The following CLDN10 variants were observed in gnomAD, a reference collection of about 807,000 sequenced individuals.
CLDN10 encodes claudin 10.
CLDN10 carries 15 observed loss-of-function variants against 22.9 expected under a neutral mutation model. The ratio of observed to expected loss-of-function variants is 0.65; its 90% confidence interval spans 0.44 to 1.01. CLDN10 has a LOEUF of 1.01. Ranked by LOEUF, CLDN10 falls within the 50% of genes least tolerant of loss-of-function variation. The pLI is 0.00. For missense variants in CLDN10, 247 were observed against 287.8 expected (o/e 0.86, Z 1.03); for synonymous variants, 114 against 111.4 (o/e 1.02, Z -0.15).
At chr13:95,467,164 A>G (rs2042589053) in intron 1 of CLDN10, among the ~76,000 whole-genome samples, 1 of 151,100 alleles carries the variant, frequency 6.6e-6, no homozygotes, top group Admixed American at 6.6e-5. Flanking sequence ...GGTGTGAGCC[A>G]CCGCGCCCAG....
intron 1 of CLDN10, among the ~76,000 whole-genome samples, chr13:95,447,881 G>A (rs2042395805): frequency 6.6e-6 from 1 of 152,074 alleles, no homozygotes; most frequent in African/African-American, 2.4e-5. Flanking sequence ...CCGAGAAAGA[G>A]TGTCCTCCCC....
At chr13:95,463,476 G>A (rs576198383) in intron 1 of CLDN10, among the ~76,000 whole-genome samples, 3 of 149,310 alleles carry the variant, frequency 2.0e-5, no homozygotes, top group Admixed American at 2.0e-4. Context: ...GGGTCTACAG[G>A]CATGTGCCAC....
chr13:95,550,658 A>G (rs1344771093), upstream of CLDN10, among the ~76,000 whole-genome samples: 1 of 152,136 alleles, frequency 6.6e-6, no homozygotes, highest in Non-Finnish European at 1.5e-5. Context: ...GGAATATGGC[A>G]TAGAAATAAT....
chr13:95,533,651 C>T (rs1000553191), intron 1 of CLDN10: 16 of 152,124 alleles, frequency 1.1e-4, no homozygotes, highest in African/African-American at 3.9e-4. Context: ...TTACTATCTG[C>T]CTACCCGGTG....
chr13:95,556,023 C>T lies in CLDN10; in HGVS notation c.220+3050C>T, dbSNP rs2043634522. Among the ~76,000 whole-genome samples the T allele has an allele frequency of 2.0e-5, 3 of 152,016 alleles. No individual in the cohort carries two copies. In the South Asian group the frequency reaches 6.2e-4, roughly 32 times the overall value. On this transcript the variant is annotated intron_variant, in intron 1 of 4. Coordinates refer to ENST00000299339, the MANE Select transcript of CLDN10 (RefSeq NM_006984.5). ...AGGTAGAAGAACTCTTGGAGTCAAA[C>T]GACGAGGTCATTATTCTGAATTTCT...
chr13:95,503,472 A>T (rs1302334443), intron 1 of CLDN10, among the ~76,000 whole-genome samples: 1 of 152,232 alleles, frequency 6.6e-6, no homozygotes, highest in Admixed American at 6.5e-5. Context: ...CGTATGATCT[A>T]GAAATTCCGC....
chr13:95,457,254 A>G (rs540295927), intron 1 of CLDN10, among the ~76,000 whole-genome samples: 2 of 152,318 alleles, frequency 1.3e-5, no homozygotes, highest in East Asian at 1.9e-4. Flanking sequence ...TTTCAGCATT[A>G]ATAAGTTACT....
intron 1 of CLDN10, 110 bp downstream of exon 1, chr13:95,553,083 T>A: frequency 7.1e-7 from 1 of 1,416,006 alleles, no homozygotes; most frequent in South Asian, 1.4e-5. Context: ...TGGACTCCTC[T>A]GAGGCCCGAC....
intron 1 of CLDN10, among the ~76,000 whole-genome samples, chr13:95,523,091 C>T (rs12858942): frequency 0.1 from 15,130 of 151,808 alleles, 925 homozygotes; most frequent in Middle Eastern, 0.12. Flanking sequence ...TATGTTTTCA[C>T]CCTCTTTTTG....
chr13:95,483,435 C>T (rs1024402967), intron 1 of CLDN10, among the ~76,000 whole-genome samples: 2 of 152,108 alleles, frequency 1.3e-5, no homozygotes, highest in Admixed American at 1.3e-4. Flanking sequence ...TCTTCAACTA[C>T]TGAGCTCAAG....
chr13:95,520,043 C>T (rs138396516), intron 1 of CLDN10, among the ~76,000 whole-genome samples: 30 of 152,254 alleles, frequency 2.0e-4, no homozygotes, highest in Admixed American at 9.2e-4. Flanking sequence ...CGTGCGTACG[C>T]GTGCATGTGT....
chr13:95,470,196 A>T (rs938505165), intron 1 of CLDN10, among the ~76,000 whole-genome samples: 1 of 152,214 alleles, frequency 6.6e-6, no homozygotes, highest in East Asian at 1.9e-4. Context: ...TGCACAGGGA[A>T]TTCCTACAGA....
chr13:95,570,053 ATAT>A (rs1343817471), intron 3 of CLDN10, among the ~76,000 whole-genome samples: 1 of 152,186 alleles, frequency 6.6e-6, no homozygotes, highest in Non-Finnish European at 1.5e-5. Context: ...GTCCATCTGT[ATAT>A]TTTTACCTCA....
chr13:95,552,900 G>T lies in CLDN10; in HGVS notation c.147G>T (p.Leu49=), dbSNP rs201714839. 1.3e-4 allele frequency: 213 copies of T among 1,614,124 alleles called. No individual in the cohort carries two copies. In the East Asian group the frequency reaches 4.7e-3, roughly 36 times the overall value. ...VITTATYWAN[L]WKACVTDSTG... ...CAACCGCCACCTATTGGGCCAACCT[G>T]TGGAAGGCGTGCGTTACCGACTCCA... Residue 49 remains leucine (L), a synonymous_variant, in exon 1 of 5, where the codon CTG becomes CTT. Transcript: ENST00000299339.
intron 1 of CLDN10, among the ~76,000 whole-genome samples, chr13:95,554,947 C>T (rs947413457): frequency 1.3e-5 from 2 of 151,956 alleles, no homozygotes; most frequent in South Asian, 4.1e-4. Context: ...GTAGAATACA[C>T]GTGCATTTTA....
At chr13:95,528,955 G>T (rs149416227) in intron 1 of CLDN10, among the ~76,000 whole-genome samples, 26 of 152,204 alleles carry the variant, frequency 1.7e-4, no homozygotes, top group African/African-American at 6.3e-4. Context: ...AGTTAGAAAA[G>T]GTGCCAAGAC....
intron 1 of CLDN10, among the ~76,000 whole-genome samples, chr13:95,521,827 C>T (rs535281645): frequency 3.9e-4 from 60 of 152,122 alleles, no homozygotes; most frequent in African/African-American, 1.4e-3. Flanking sequence ...TAAATTGCCT[C>T]TCTCAGTTAT....
At chr13:95,510,852 A>T (rs2043089044) in intron 1 of CLDN10, among the ~76,000 whole-genome samples, 1 of 152,168 alleles carries the variant, frequency 6.6e-6, no homozygotes, top group Non-Finnish European at 1.5e-5. Flanking sequence ...TAAGTCTACA[A>T]TAAACCAGTT....
chr13:95,565,452 T>A (rs1440337425), intron 3 of CLDN10, among the ~76,000 whole-genome samples: 1 of 152,224 alleles, frequency 6.6e-6, no homozygotes, highest in Non-Finnish European at 1.5e-5. Context: ...GGCCCAGCTA[T>A]TTTTGTGTTG....
Sources: gnomAD v4.1 joint callset for allele counts (sites outside exome capture counted in the v4.1 genomes callset) on GRCh38, gnomAD v4.1.1 for gene constraint, MANE v1.5 for transcripts, NCBI Gene and HGNC (gene_info 2026-07-23, HGNC 2026-07-21) for gene names.